FAM193A: variants seen among roughly 807,000 people sequenced by gnomAD.
The protein encoded by FAM193A is family with sequence similarity 193 member A.
FAM193A carries 22 observed loss-of-function variants against 126.5 expected under a neutral mutation model. The observed-to-expected ratio is 0.17, with a 90% CI of 0.12 to 0.25. The LOEUF is 0.25. FAM193A is among the 10% of genes least tolerant of loss of function. The pLI, the probability that FAM193A is intolerant of heterozygous loss-of-function variation, is 1.00. For synonymous variants in FAM193A, 761 were observed against 646.8 expected (o/e 1.18, Z -2.68); for missense variants, 1,675 against 1,672.8 (o/e 1.00, Z -0.02).
intron 7 of FAM193A, among the ~76,000 whole-genome samples, chr4:2,652,397 C>T (rs1400903688): frequency 6.6e-6 from 1 of 152,168 alleles, no homozygotes; most frequent in Non-Finnish European, 1.5e-5. Flanking sequence ...TCTTGCATTG[C>T]TATAAAGAAA....
chr4:2,576,421 G>A (rs1047763348), intron 1 of FAM193A, among the ~76,000 whole-genome samples: 3 of 152,160 alleles, frequency 2.0e-5, no homozygotes, highest in Non-Finnish European at 2.9e-5. Context: ...ACATTAGAGC[G>A]GGATGCAGTG....
At chr4:2,710,013 A>G (rs1198248898) in intron 19 of FAM193A, among the ~76,000 whole-genome samples, 3 of 151,984 alleles carry the variant, frequency 2.0e-5, no homozygotes, top group Admixed American at 2.0e-4. Flanking sequence ...ATAGTTTTAA[A>G]TTTCTTTGCA....
At chr4:2,725,741 T>G (rs1205329117) in intron 20 of FAM193A, among the ~76,000 whole-genome samples, 1 of 151,808 alleles carries the variant, frequency 6.6e-6, no homozygotes, top group Non-Finnish European at 1.5e-5. Flanking sequence ...GGCAATAGTC[T>G]TGCTCTGTCA....
intron 1 of FAM193A, among the ~76,000 whole-genome samples, chr4:2,537,642 C>G (rs1370640135): frequency 6.6e-6 from 1 of 152,246 alleles, no homozygotes; most frequent in Non-Finnish European, 1.5e-5. Flanking sequence ...GCTGCCCTTT[C>G]GCTCCCAGGG....
At chr4:2,576,511 A>G (rs1739598858) in intron 1 of FAM193A, among the ~76,000 whole-genome samples, 1 of 152,120 alleles carries the variant, frequency 6.6e-6, no homozygotes, top group African/African-American at 2.4e-5. Flanking sequence ...TGTATTGCAC[A>G]ATGATTGTGC....
At chr4:2,629,127 C>T (rs1743286377) in intron 4 of FAM193A, among the ~76,000 whole-genome samples, 1 of 151,922 alleles carries the variant, frequency 6.6e-6, no homozygotes, top group Admixed American at 6.6e-5. Context: ...GCACCCTGCC[C>T]CGCTGCCTTC....
At chr4:2,596,381 G>A (rs1056608412) in intron 2 of FAM193A, 52 bp downstream of exon 2, 13 of 681,284 alleles carry the variant, frequency 1.9e-5, no homozygotes, top group East Asian at 5.4e-5. Context: ...CCCCGCCCAG[G>A]TTATGGGGTA....
At chr4:2,628,573 G>GCTGCACTGAGCTAGGATCGCTC (rs1743208675) in intron 4 of FAM193A, among the ~76,000 whole-genome samples, 3 of 152,248 alleles carry the variant, frequency 2.0e-5, no homozygotes, top group Middle Eastern at 3.4e-3. Context: ...GGAGTTCGGT[G>GCTGCACTGAGCTAGGATCGCTC]CTGCACTGAG....
chr4:2,690,474 CT>C (rs1222539034), intron 14 of FAM193A, among the ~76,000 whole-genome samples: 1 of 152,202 alleles, frequency 6.6e-6, no homozygotes. Context: ...AATTTTAAGA[CT>C]TTACGTAACT....
intron 1 of FAM193A, among the ~76,000 whole-genome samples, chr4:2,551,624 C>G (rs1479447387): frequency 6.6e-6 from 1 of 152,092 alleles, no homozygotes; most frequent in South Asian, 2.1e-4. Context: ...GTAGTGATGT[C>G]TGCCCTTTCA....
chr4:2,549,441 G>A (rs1737772208), intron 1 of FAM193A, among the ~76,000 whole-genome samples: 1 of 128,324 alleles, frequency 7.8e-6, no homozygotes, highest in Non-Finnish European at 1.6e-5. Flanking sequence ...CTGTCGCCCA[G>A]GCTGGAGTGC....
chr4:2,601,478 G>A (rs1001181109), intron 2 of FAM193A, among the ~76,000 whole-genome samples: 25 of 151,608 alleles, frequency 1.6e-4, no homozygotes, highest in African/African-American at 4.8e-4. Flanking sequence ...CAGGTGATCC[G>A]CCCACCTCGG....
intron 19 of FAM193A, among the ~76,000 whole-genome samples, chr4:2,712,778 G>A (rs372996761): frequency 1.1e-4 from 17 of 151,898 alleles, no homozygotes; most frequent in African/African-American, 3.9e-4. Context: ...TTTAAAATGT[G>A]TTGTGGGGTT....
intron 1 of FAM193A, among the ~76,000 whole-genome samples, chr4:2,553,747 C>G (rs1738090292): frequency 6.6e-6 from 1 of 152,048 alleles, no homozygotes; most frequent in African/African-American, 2.4e-5. Flanking sequence ...TTGTGGCTCC[C>G]ACAATTCTCG....
chr4:2,696,713 C>T, intron 18 of FAM193A, 120 bp downstream of exon 18: 1 of 696,236 alleles, frequency 1.4e-6, no homozygotes, highest in Non-Finnish European at 2.4e-6. Flanking sequence ...CGTGTGTTCA[C>T]TTGCCCACAA....
chr4:2,660,380 T>C (rs1290569337), intron 10 of FAM193A, among the ~76,000 whole-genome samples: 1 of 152,190 alleles, frequency 6.6e-6, no homozygotes, highest in Admixed American at 6.5e-5. Flanking sequence ...CTGTCCTGTC[T>C]CCCTGTCAGC....
At chr4:2,616,283 C>CT (rs1009839205) in intron 2 of FAM193A, among the ~76,000 whole-genome samples, 1 of 152,166 alleles carries the variant, frequency 6.6e-6, no homozygotes, top group African/African-American at 2.4e-5. Context: ...GTGAAGCAAA[C>CT]TTTGTCTTAT....
chr4:2,698,462 G>A (rs528459909), intron 18 of FAM193A, among the ~76,000 whole-genome samples: 2 of 152,308 alleles, frequency 1.3e-5, no homozygotes, highest in African/African-American at 2.4e-5. Flanking sequence ...CATACACATG[G>A]AGAAGGATGT....
intron 7 of FAM193A, among the ~76,000 whole-genome samples, chr4:2,649,826 T>C (rs1745493241): frequency 6.6e-6 from 1 of 152,228 alleles, no homozygotes; most frequent in African/African-American, 2.4e-5. Flanking sequence ...GGAACCAGGC[T>C]GCACAGCAGG....
Sources: allele counts gnomAD v4.1 joint callset (sites outside exome capture counted in the v4.1 genomes callset), GRCh38; gene constraint gnomAD v4.1.1; transcripts MANE v1.5; gene names NCBI Gene and HGNC (gene_info 2026-07-23, HGNC 2026-07-21).